The following OR14I1 variants were observed in gnomAD, a reference collection of about 807,000 sequenced individuals.
The protein encoded by OR14I1 is olfactory receptor family 14 subfamily I member 1.
For synonymous variants in OR14I1, 118 were observed against 71.1 expected (o/e 1.66, Z -3.32); for missense variants, 279 against 181.8 (o/e 1.53, Z -3.07).
chr1:248,687,551 T>C, the OR14I1 span, among the ~76,000 whole-genome samples: 215 of 152,356 alleles, frequency 1.4e-3, 1 homozygote, highest in African/African-American at 4.9e-3. Flanking sequence ...TTAGGAGATA[T>C]ATATTTTATC....
At chr1:248,681,640 G>A (rs759332854) in exon 1 of OR14I1, 12 of 780,898 alleles carry the variant, frequency 1.5e-5, no homozygotes, top group East Asian at 9.7e-5. Flanking sequence ...TCTGAGCACC[G>A]TTGAGAAGAT....
the OR14I1 span, among the ~76,000 whole-genome samples, chr1:248,696,377 G>A: frequency 1.3e-5 from 2 of 151,934 alleles, no homozygotes; most frequent in Non-Finnish European, 1.5e-5. Context: ...ACCATTCTCT[G>A]CTCTGTGCCT....
At chr1:248,681,132 C>A (rs545979839), downstream of OR14I1, among the ~76,000 whole-genome samples, 1 of 151,928 alleles carries the variant, frequency 6.6e-6, no homozygotes, top group Non-Finnish European at 1.5e-5. Flanking sequence ...AGTTACACAA[C>A]CTTGAAATAT....
the OR14I1 span, among the ~76,000 whole-genome samples, chr1:248,698,263 C>G: frequency 6.6e-6 from 1 of 152,224 alleles, no homozygotes; most frequent in Non-Finnish European, 1.5e-5. Flanking sequence ...GCTATTGACA[C>G]TGCAGAAGAA....
chr1:248,694,179 T>C, the OR14I1 span, among the ~76,000 whole-genome samples: 4 of 152,344 alleles, frequency 2.6e-5, no homozygotes, highest in African/African-American at 7.2e-5. Context: ...CCTCCTTTGC[T>C]CTGCTGATCA....
chr1:248,686,679 T>C (rs76446242), upstream of OR14I1, among the ~76,000 whole-genome samples: 1,850 of 144,780 alleles, frequency 0.013, 190 homozygotes, highest in Non-Finnish European at 0.019. Context: ...CATAAAAAAT[T>C]TGAAATGATT....
At chr1:248,693,189 C>T in the OR14I1 span, among the ~76,000 whole-genome samples, 67 of 152,340 alleles carry the variant, frequency 4.4e-4, no homozygotes, top group African/African-American at 1.5e-3. Flanking sequence ...AAGCCAGCCT[C>T]CCACGTCACC....
chr1:248,688,645 T>C, the OR14I1 span, among the ~76,000 whole-genome samples: 1 of 152,308 alleles, frequency 6.6e-6, no homozygotes, highest in Admixed American at 6.5e-5. Flanking sequence ...TTTTCAAGAT[T>C]GCAAGACTGA....
chr1:248,682,226 C>T (rs147758863), exon 1 of OR14I1: 57 of 780,042 alleles, frequency 7.3e-5, no homozygotes, highest in African/African-American at 2.2e-4. Context: ...AGAAACAGCC[C>T]GGCGTGCAGC....
At chr1:248,695,256 G>A in the OR14I1 span, among the ~76,000 whole-genome samples, 3 of 131,212 alleles carry the variant, frequency 2.3e-5, no homozygotes, top group African/African-American at 9.3e-5. Context: ...TTTTTTGAGA[G>A]GGAGTCTCGC....
downstream of OR14I1, among the ~76,000 whole-genome samples, chr1:248,679,549 C>G (rs1270702691): frequency 6.6e-6 from 1 of 151,998 alleles, no homozygotes; most frequent in Non-Finnish European, 1.5e-5. Flanking sequence ...GCCCTGTTGC[C>G]TCTTTCATTA....
the OR14I1 span, chr1:248,692,266 T>TCTGCATTC: frequency 6.5e-6 from 1 of 152,920 alleles, no homozygotes; most frequent in Non-Finnish European, 1.5e-5. Flanking sequence ...AGCGTCGCTC[T>TCTGCATTC]CTGCATTCCC....
chr1:248,687,734 A>G, the OR14I1 span, among the ~76,000 whole-genome samples: 1 of 152,248 alleles, frequency 6.6e-6, no homozygotes, highest in Non-Finnish European at 1.5e-5. Flanking sequence ...GGCCAGACAT[A>G]GGAGCAAAGT....
exon 1 of OR14I1, chr1:248,681,713 G>C (rs770070243): frequency 1.3e-6 from 1 of 781,086 alleles, no homozygotes; most frequent in Admixed American, 1.7e-5. Flanking sequence ...CTCAGGGCCA[G>C]GGTCAAAAAC....
chr1:248,700,330 C>T, the OR14I1 span, among the ~76,000 whole-genome samples: 1 of 152,138 alleles, frequency 6.6e-6, no homozygotes, highest in East Asian at 1.9e-4. Flanking sequence ...CCAACTATAG[C>T]GTGTAAAACA....
At chr1:248,696,202 G>A in the OR14I1 span, among the ~76,000 whole-genome samples, 1 of 152,172 alleles carries the variant, frequency 6.6e-6, no homozygotes, top group African/African-American at 2.4e-5. Flanking sequence ...ATCCCATAGG[G>A]GCTAACAGAG....
At chr1:248,695,543 G>T in the OR14I1 span, among the ~76,000 whole-genome samples, 1 of 152,048 alleles carries the variant, frequency 6.6e-6, no homozygotes, top group Non-Finnish European at 1.5e-5. Flanking sequence ...GAATCTATGC[G>T]TTTTTAAAAT....
chr1:248,694,781 G>A, the OR14I1 span, among the ~76,000 whole-genome samples: 7 of 152,160 alleles, frequency 4.6e-5, no homozygotes, highest in Non-Finnish European at 8.8e-5. Flanking sequence ...TGTGCAAATT[G>A]TTCTCAAAAA....
At chr1:248,680,343 TGTAAA>T (rs1225830766), downstream of OR14I1, among the ~76,000 whole-genome samples, 1 of 152,246 alleles carries the variant, frequency 6.6e-6, no homozygotes, top group Non-Finnish European at 1.5e-5. Context: ...AGATTTGGGA[TGTAAA>T]GTCCAGTGCC....
Sources: allele counts gnomAD v4.1 joint callset (sites outside exome capture counted in the v4.1 genomes callset), GRCh38; gene constraint gnomAD v4.1.1; transcripts MANE v1.5; gene names NCBI Gene and HGNC (gene_info 2026-07-23, HGNC 2026-07-21).